Variants in SCOC observed in about 807,000 individuals in gnomAD.
SCOC encodes short coiled-coil protein.
Under a neutral mutation model 9.9 loss-of-function variants are expected in SCOC, and 7 were observed. The ratio of observed to expected loss-of-function variants is 0.71; its 90% CI spans 0.40 to 1.33. SCOC has a LOEUF of 1.33. Among genes scored for constraint, SCOC ranks in the 40% most tolerant of loss-of-function variants. The pLI, the probability that SCOC is intolerant of heterozygous loss-of-function variation, is 0.01. For synonymous variants in SCOC, 19 were observed against 28.2 expected, an observed-to-expected ratio of 0.67 and a Z score of 1.03; for missense variants, 66 against 89.7, an observed-to-expected ratio of 0.74 and a Z score of 1.07.
rs1444685776 is a variant in SCOC at position 140,383,448 on chromosome 4, A to G, written c.*2344A>G. The G allele has an allele frequency of 6.6e-6, 1 of 152,218 alleles. No homozygotes were observed. The highest frequency in any genetic ancestry group is 1.9e-4 in the East Asian group (1 of 5,190). 9.4% of individuals were successfully genotyped at this position (152,218 alleles called of 1,614,324 possible). ...CAGGATGGCCAAATAAAAAGTCTCAATTTGGAAAATGGAATAAAGGGAAAC... is the reference window on the plus strand; with the variant it reads ...CAGGATGGCCAAATAAAAAGTCTCAGTTTGGAAAATGGAATAAAGGGAAAC... On this transcript the variant is annotated 3_prime_UTR_variant, in exon 4 of 4. Coordinates refer to ENST00000608372, the MANE Select transcript of SCOC (RefSeq NM_001153484.2).
intron 2 of SCOC, among the ~76,000 whole-genome samples, chr4:140,345,750 C>CAT (rs952206580): frequency 1.3e-5 from 2 of 152,046 alleles, no homozygotes; most frequent in South Asian, 2.1e-4. Context: ...TGTACATATA[C>CAT]ATATATATAT....
At chr4:140,355,828 G>A (rs781206780) in intron 2 of SCOC, among the ~76,000 whole-genome samples, 3 of 152,120 alleles carry the variant, frequency 2.0e-5, no homozygotes, top group South Asian at 2.1e-4. Flanking sequence ...AAGGGAACTC[G>A]GAAAAATGTA....
chr4:140,310,761 T>G (rs775942919), intron 1 of SCOC, among the ~76,000 whole-genome samples: 14 of 152,206 alleles, frequency 9.2e-5, no homozygotes, highest in South Asian at 2.1e-4. Flanking sequence ...TTCCTGTCCC[T>G]TCTTCTTCGG....
At position 140,280,018 on chromosome 4, in the gene SCOC, G is replaced by A. The variant is rs183839503; in HGVS notation, c.-19+22608G>A. On this transcript the variant is annotated intron_variant, in intron 1 of 4. Transcript: ENST00000394205. ...AGGTTTTTTATTTCCCTTTAAGGAC[G>A]TGAACTGGAAGTTGCACATACTACT... Among the ~76,000 whole-genome samples, 122 of 152,308 alleles carry A rather than the reference G, an allele frequency of 8.0e-4. 1 individual carries two copies. Among genetic ancestry groups the A allele is most frequent in the East Asian group, 1.2e-3 (6 of 5,190 alleles).
At chr4:140,314,112 TAA>T (rs369473232) in intron 1 of SCOC, 106 of 141,546 alleles carry the variant, frequency 7.5e-4, no homozygotes, top group South Asian at 1.8e-3. Context: ...AGACCCTGTT[TAA>T]AAAAAAAAAA....
At chr4:140,360,603 A>G (rs1469944604) in intron 2 of SCOC, 1 of 152,236 alleles carries the variant, frequency 6.6e-6, no homozygotes. Context: ...CGAAAAGGCA[A>G]TGTGGAAATC....
intron 1 of SCOC, among the ~76,000 whole-genome samples, chr4:140,315,848 G>C (rs1178713198): frequency 2.0e-5 from 3 of 152,210 alleles, no homozygotes; most frequent in Non-Finnish European, 4.4e-5. Flanking sequence ...CCAGGGGAGA[G>C]AAGATGTGCT....
intron 1 of SCOC, among the ~76,000 whole-genome samples, chr4:140,274,708 G>A (rs1730937225): frequency 6.6e-6 from 1 of 152,068 alleles, no homozygotes; most frequent in African/African-American, 2.4e-5. Context: ...GCAAGACCTG[G>A]GTTATCACTT....
chr4:140,359,563 T>A (rs1009363619), intron 2 of SCOC, among the ~76,000 whole-genome samples: 10 of 152,168 alleles, frequency 6.6e-5, no homozygotes, highest in African/African-American at 2.2e-4. Context: ...TGTGAGGGCA[T>A]GTCAAGGGAT....
In SCOC at chr4:140,373,833, G is replaced by T. The variant is rs533566574; in HGVS notation, c.-51+116G>T. On this transcript the variant is annotated intron_variant, in intron 1 of 3. Coordinates refer to ENST00000608372, the MANE Select transcript of SCOC (RefSeq NM_001153484.2). ...CTGGACGCGGCCCTGCGCACCGGGG[G>T]CCCGGGAGGAGCGGTCTCGGGCCTG... 1,718 of 1,163,692 alleles carry T rather than the reference G, an allele frequency of 1.5e-3. 8 individuals are homozygous for T. In the African/African-American group the frequency reaches 0.017, roughly 12 times the overall value. The allele number at this position is 1,163,692 out of a possible 1,614,324, so 72.1% of individuals were successfully genotyped here.
chr4:140,288,650 AAAC>A (rs1266310264), intron 1 of SCOC, among the ~76,000 whole-genome samples: 1 of 151,554 alleles, frequency 6.6e-6, no homozygotes, highest in Non-Finnish European at 1.5e-5. Context: ...TATACACACA[AAAC>A]ACCACACAGC....
At chr4:140,378,806 T>C (rs1462223622) in intron 1 of SCOC, among the ~76,000 whole-genome samples, 1 of 152,150 alleles carries the variant, frequency 6.6e-6, no homozygotes, top group Non-Finnish European at 1.5e-5. Flanking sequence ...TCCAAAAAGA[T>C]TACATATTTA....
intron 1 of SCOC, chr4:140,285,257 G>A (rs1325511978): frequency 2.2e-6 from 1 of 456,722 alleles, no homozygotes; most frequent in Non-Finnish European, 4.4e-6. Flanking sequence ...TTGTAATCAG[G>A]AGCAGGTTTT....
chr4:140,260,565 C>T (rs1267016014), intron 1 of SCOC, among the ~76,000 whole-genome samples: 1 of 152,188 alleles, frequency 6.6e-6, no homozygotes, highest in Non-Finnish European at 1.5e-5. Context: ...AATTGAGTCT[C>T]AGGGCTGTAT....
chr4:140,301,247 G>T (rs2126451987), intron 1 of SCOC, among the ~76,000 whole-genome samples: 1 of 152,288 alleles, frequency 6.6e-6, no homozygotes, highest in East Asian at 1.9e-4. Flanking sequence ...TTTACTTCTA[G>T]TAAGTTCTAA....
chr4:140,264,876 C>T (rs1304507101), intron 1 of SCOC, among the ~76,000 whole-genome samples: 1 of 152,122 alleles, frequency 6.6e-6, no homozygotes, highest in Non-Finnish European at 1.5e-5. Context: ...GAGTGGTTCC[C>T]CATTTCAGAA....
upstream of SCOC, among the ~76,000 whole-genome samples, chr4:140,369,718 G>A (rs1330894144): frequency 2.0e-5 from 3 of 151,996 alleles, no homozygotes; most frequent in Non-Finnish European, 4.4e-5. Flanking sequence ...ATGTAATTTT[G>A]TGCCTTTATT....
rs535860362 is a variant in SCOC, at chr4:140,281,805, A to G, written c.-19+24395A>G. Among the ~76,000 whole-genome samples the G allele has an allele frequency of 2.0e-5, 3 of 152,334 alleles. No homozygotes were observed. The East Asian group carries it at 5.8e-4, about 29-fold the overall frequency. On this transcript the variant is annotated intron_variant, in intron 1 of 4. Coordinates refer to the SCOC transcript ENST00000394205. ...GGAGTTGGAAATGCAGCCAATCAGC[A>G]ACGGAAGAGCCTCTGGGGAACTCAG...
intron 1 of SCOC, among the ~76,000 whole-genome samples, chr4:140,311,453 A>G (rs921969382): frequency 6.6e-6 from 1 of 152,156 alleles, no homozygotes; most frequent in Admixed American, 6.5e-5. Context: ...GTCATCTACA[A>G]TGAATGAGTT....
Sources: gnomAD v4.1 joint callset for allele counts (sites outside exome capture counted in the v4.1 genomes callset) on GRCh38, gnomAD v4.1.1 for gene constraint, MANE v1.5 for transcripts, NCBI Gene and HGNC (gene_info 2026-07-23, HGNC 2026-07-21) for gene names.